The following IL4R variants were observed in gnomAD, a reference collection of about 807,000 sequenced individuals.
IL4R encodes interleukin-4 receptor subunit alpha.
Under a neutral mutation model 41.5 loss-of-function variants are expected in IL4R, and 17 were observed. The observed-to-expected ratio is 0.41, with a 90% CI of 0.28 to 0.61. IL4R has a LOEUF of 0.61. IL4R is among the 20% of genes least tolerant of loss of function. The pLI is 0.31. For missense variants in IL4R, 974 were observed against 1,043.1 expected, an observed-to-expected ratio of 0.93 and a Z score of 0.91; for synonymous variants, 402 against 422.9, an observed-to-expected ratio of 0.95 and a Z score of 0.61.
chr16:27,331,257 A>T (rs2085105334), intron 2 of IL4R, among the ~76,000 whole-genome samples: 2 of 152,062 alleles, frequency 1.3e-5, no homozygotes, highest in South Asian at 4.1e-4. Context: ...TAGGTCATTG[A>T]TCCCCAAAAC....
At chr16:27,325,073 G>A (rs1596760284) in intron 1 of IL4R, among the ~76,000 whole-genome samples, 1 of 152,186 alleles carries the variant, frequency 6.6e-6, no homozygotes, top group African/African-American at 2.4e-5. Flanking sequence ...CCTAGAGACA[G>A]AGTTTGAGTC....
chr16:27,359,178 C>T (rs2086196305), intron 9 of IL4R, among the ~76,000 whole-genome samples, 184 bp downstream of exon 9: 1 of 152,218 alleles, frequency 6.6e-6, no homozygotes, highest in African/African-American at 2.4e-5. Flanking sequence ...CTTTCCCGCC[C>T]TTCCCCTTGG....
chr16:27,360,715 G>A (rs1190154656), intron 9 of IL4R, 51 bp from the exon 10 acceptor site: 1 of 1,613,284 alleles, frequency 6.2e-7, no homozygotes, highest in Non-Finnish European at 8.5e-7. Context: ...CGTACTCCAG[G>A]CCGGGCTGCA....
intron 9 of IL4R, chr16:27,359,777 C>A: frequency 2.2e-6 from 1 of 456,664 alleles, no homozygotes; most frequent in Non-Finnish European, 4.4e-6. Context: ...GTGCATATTC[C>A]AGCCTCTTGC....
chr16:27,361,076 G>T, intron 10 of IL4R: 1 of 1,367,032 alleles, frequency 7.3e-7, no homozygotes, highest in East Asian at 2.8e-5. Flanking sequence ...GAGCAGCCGT[G>T]CCTGTTGTTA....
intron 8 of IL4R, among the ~76,000 whole-genome samples, chr16:27,358,410 G>A (rs867890845): frequency 5.9e-5 from 9 of 152,336 alleles, no homozygotes; most frequent in Middle Eastern, 3.4e-3. Flanking sequence ...TCCCAGTGAT[G>A]ATGCACCATG....
chr16:27,354,581 T>G (rs1034429889), intron 7 of IL4R, among the ~76,000 whole-genome samples: 27 of 152,220 alleles, frequency 1.8e-4, no homozygotes, highest in African/African-American at 6.3e-4. Flanking sequence ...AGGAACAGGA[T>G]AATCGTGATT....
chr16:27,336,279 A>G (rs1396093120), intron 2 of IL4R, among the ~76,000 whole-genome samples: 2 of 152,110 alleles, frequency 1.3e-5, no homozygotes, highest in African/African-American at 4.8e-5. Flanking sequence ...GAATACTGAG[A>G]GTGAAAAACA....
At chr16:27,317,638 A>G (rs539064232) in intron 1 of IL4R, among the ~76,000 whole-genome samples, 9 of 152,216 alleles carry the variant, frequency 5.9e-5, no homozygotes, top group Middle Eastern at 3.4e-3. Context: ...ATATCCAGCA[A>G]ATTGCTCTGC....
chr16:27,339,892 A>G (rs970863256), intron 2 of IL4R, among the ~76,000 whole-genome samples: 3 of 152,294 alleles, frequency 2.0e-5, no homozygotes, highest in African/African-American at 7.2e-5. Context: ...CCCCGTCTCT[A>G]CTAAAAATAC....
At position 27,328,678 on chromosome 16, in the gene IL4R, T is replaced by C. The variant is rs1013957327; in HGVS notation, c.-151-1388T>C. Among the ~76,000 whole-genome samples the C allele has an allele frequency of 5.3e-5, 8 of 152,176 alleles. 1 individual carries two copies. The highest frequency in any genetic ancestry group is 8.8e-5 in the Non-Finnish European group (6 of 68,022). On this transcript the variant is annotated intron_variant, in intron 1 of 10. Coordinates refer to ENST00000395762, the MANE Select transcript of IL4R (RefSeq NM_000418.4). ...ACATAAAGCTCTGCCCTCATGGGGC[T>C]TGTGGTCTCTCAGAGGGAGGCAAAC...
intron 2 of IL4R, among the ~76,000 whole-genome samples, chr16:27,332,807 A>G (rs2085150269): frequency 6.6e-6 from 1 of 152,062 alleles, no homozygotes; most frequent in African/African-American, 2.4e-5. Context: ...ATTCAATAAT[A>G]TAAATTTCCC....
chr16:27,341,006 C>A, intron 3 of IL4R: 1 of 534,064 alleles, frequency 1.9e-6, no homozygotes, highest in South Asian at 1.7e-5. Flanking sequence ...GACAGAGTGG[C>A]TGAATCAAAA....
chr16:27,321,483 C>T (rs1277252945), intron 1 of IL4R, among the ~76,000 whole-genome samples: 1 of 152,170 alleles, frequency 6.6e-6, no homozygotes, highest in Non-Finnish European at 1.5e-5. Flanking sequence ...CTATTACCTC[C>T]TTGGATCTAG....
intron 4 of IL4R, among the ~76,000 whole-genome samples, chr16:27,343,530 G>C (rs541152141): frequency 6.6e-6 from 1 of 152,248 alleles, no homozygotes; most frequent in East Asian, 1.9e-4. Context: ...GGGTTCAAGC[G>C]ATTCTCCTGT....
In IL4R at chr16:27,346,535, A is replaced by G; in HGVS notation, c.430A>G (p.Ser144Gly). 1 of 1,614,160 alleles carries G rather than the reference A, an allele frequency of 6.2e-7. No homozygotes were observed. Among genetic ancestry groups the G allele is most frequent in the Admixed American group, 1.7e-5 (1 of 60,016 alleles). Residue 144 changes from serine (S) to glycine (G), a missense_variant, in exon 6 of 11, where the codon AGC (serine) becomes GGC (glycine). Ser to Gly is a moderately conservative substitution (Grantham distance 56). Around this residue, in one of 3 missense-constraint regions of IL4R, gnomAD observed 284 missense variants for 313.4 expected, o/e 0.91. Coordinates refer to ENST00000395762, the MANE Select transcript of IL4R (RefSeq NM_000418.4). ...NVSDTLLLTWSNPYPPDNYLY... is the reference protein window; with the variant it reads ...NVSDTLLLTWGNPYPPDNYLY... The stretch of plus-strand genomic sequence containing the variant: ...CTCCGACACTCTGCTGCTGACCTGG[A>G]GCAACCCGTATCCCCCTGACAATTA...
At chr16:27,328,706 T>C (rs2085031676) in intron 1 of IL4R, among the ~76,000 whole-genome samples, 1 of 152,140 alleles carries the variant, frequency 6.6e-6, no homozygotes, top group Non-Finnish European at 1.5e-5. Context: ...AGGCAAACAA[T>C]GCATTTATAG....
At position 27,326,401 on chromosome 16, in the gene IL4R, G is replaced by A. The variant is rs117509107; in HGVS notation, c.-151-3665G>A. On this transcript the variant is annotated intron_variant, in intron 1 of 10. Coordinates refer to ENST00000395762, the MANE Select transcript of IL4R (RefSeq NM_000418.4). ...CATGCCTGTAGCATGTTGGAAGGCC[G>A]AGGCAGGAGGTTTGCTTGAGGCCAG... Among the ~76,000 whole-genome samples, 2,072 of 152,292 alleles carry A rather than the reference G, an allele frequency of 0.014. 120 individuals carry two copies. In the East Asian group the frequency reaches 0.16, roughly 11 times the overall value.
intron 2 of IL4R, among the ~76,000 whole-genome samples, chr16:27,330,454 C>G (rs2085083298): frequency 6.6e-6 from 1 of 151,898 alleles, no homozygotes; most frequent in Non-Finnish European, 1.5e-5. Flanking sequence ...ATGCTGTTCC[C>G]CCCGAGGGCA....
Sources: allele counts gnomAD v4.1 joint callset (sites outside exome capture counted in the v4.1 genomes callset), GRCh38; gene constraint gnomAD v4.1.1; regional missense constraint gnomAD v4.1.1; transcripts MANE v1.5; gene names NCBI Gene and HGNC (gene_info 2026-07-23, HGNC 2026-07-21).